Variants in MBLAC2 observed in about 807,000 individuals in gnomAD.
The protein encoded by MBLAC2 is metallo-beta-lactamase domain containing 2, also known as acyl-coenzyme A thioesterase MBLAC2.
MBLAC2 carries 24 observed loss-of-function variants against 23.3 expected under a neutral mutation model. The observed-to-expected ratio is 1.03, with a 90% CI of 0.75 to 1.45. MBLAC2 has a LOEUF of 1.45. MBLAC2 is among the 40% of genes most tolerant of loss of function. The pLI, the probability that MBLAC2 is intolerant of heterozygous loss-of-function variation, is 0.00. For missense variants in MBLAC2, 358 were observed against 370.0 expected, an observed-to-expected ratio of 0.97 and a Z score of 0.27; for synonymous variants, 162 against 150.9, an observed-to-expected ratio of 1.07 and a Z score of -0.54.
chr5:90,471,926 G>C (rs1750555047), intron 1 of MBLAC2: 1 of 152,122 alleles, frequency 6.6e-6, no homozygotes, highest in Non-Finnish European at 1.5e-5. Flanking sequence ...CAAAGTGTTT[G>C]GTAAACATTA....
intron 1 of MBLAC2, among the ~76,000 whole-genome samples, chr5:90,464,630 A>G (rs1447980613): frequency 6.6e-6 from 1 of 152,154 alleles, no homozygotes; most frequent in South Asian, 2.1e-4. Flanking sequence ...AATGAATGCA[A>G]TCTTAAAATT....
In MBLAC2 at chr5:90,474,594, T is replaced by C; in HGVS notation, c.-302A>G. 2.4e-6 allele frequency: 1 copy of C among 420,342 alleles called. No homozygotes were observed. The highest frequency in any genetic ancestry group is 4.3e-6 in the Non-Finnish European group (1 of 230,942). 26.0% of individuals were successfully genotyped at this position (420,342 alleles called of 1,614,324 possible). On this transcript the variant is annotated 5_prime_UTR_variant, in exon 1 of 2. Coordinates refer to ENST00000316610, the MANE Select transcript of MBLAC2 (RefSeq NM_203406.2). ...CGGCAGCCGCACCACGAGAGAGCTT[T>C]AACGCAGGGGCCACTGCAGCAGAAT...
At position 90,461,470 on chromosome 5, in the gene MBLAC2, G is replaced by C. The variant is rs752991377; in HGVS notation, c.537C>G (p.Asp179Glu). Residue 179 changes from aspartate to glutamate, a missense_variant, in exon 2 of 2, where the codon GAC becomes GAG. By Grantham distance (45) the Asp-to-Glu change is conservative (BLOSUM62 2). Coordinates refer to ENST00000316610, the MANE Select transcript of MBLAC2 (RefSeq NM_203406.2). ...GHSRGSICLH[D>E]KDRKILFSGD... ...CACTGAAGAGAATCTTTCGGTCTTT[G>C]TCATGTAAGCAAATACTGCCCCTGG... is the stretch of plus-strand genomic sequence containing the variant. 4 of 1,614,154 alleles carry C rather than the reference G, an allele frequency of 2.5e-6. No individual in the cohort carries two copies. Among genetic ancestry groups the C allele is most frequent in the Non-Finnish European group, 3.4e-6 (4 of 1,180,014 alleles).
rs903889599 is a variant in MBLAC2 at position 90,473,433 on chromosome 5, C to T, written c.454+406G>A. 7.6e-6 allele frequency: 4 copies of T among 529,032 alleles called. No homozygotes were observed. The African/African-American group carries it at 7.7e-5, about 10-fold the overall frequency. The allele number at this position is 529,032 out of a possible 1,614,324, so 32.8% of individuals were successfully genotyped here. A position where few individuals can be genotyped will look rare whatever the true frequency, so the allele number is the denominator to read the frequency against. On this transcript the variant is annotated intron_variant, in intron 1 of 1. Transcript: ENST00000316610. ...AAGCACAGATCATGACATGCACTCT[C>T]CGTGAGGGGTCATTCCTTAAAAGTC...
intron 1 of MBLAC2, among the ~76,000 whole-genome samples, chr5:90,462,240 C>G (rs1403143130): frequency 6.6e-6 from 1 of 152,158 alleles, no homozygotes; most frequent in African/African-American, 2.4e-5. Context: ...CAGTTACCGA[C>G]AGCAGAGAGG....
At chr5:90,473,049 A>G (rs992189259) in intron 1 of MBLAC2, 2 of 152,228 alleles carry the variant, frequency 1.3e-5, no homozygotes, top group African/African-American at 4.8e-5. Context: ...TTTTCATTCC[A>G]TGAATTTCTC....
chr5:90,465,643 G>A (rs974273411), intron 1 of MBLAC2, among the ~76,000 whole-genome samples: 2 of 152,064 alleles, frequency 1.3e-5, no homozygotes, highest in East Asian at 1.9e-4. Context: ...GCAGTGGCCC[G>A]CTTATAGCTC....
At chr5:90,472,560 A>T (rs1750574389) in intron 1 of MBLAC2, 1 of 152,160 alleles carries the variant, frequency 6.6e-6, no homozygotes, top group African/African-American at 2.4e-5. Context: ...AAATATCTCA[A>T]ATGAAGATGT....
At chr5:90,471,739 C>G (rs553953129) in intron 1 of MBLAC2, 1 of 152,230 alleles carries the variant, frequency 6.6e-6, no homozygotes, top group African/African-American at 2.4e-5. Context: ...TTTTATGTAT[C>G]CTCCCAGGCA....
rs1470941021 is a variant in MBLAC2 at position 90,458,747 on chromosome 5, G to A, written c.*2420C>T. On this transcript the variant is annotated 3_prime_UTR_variant, in exon 2 of 2. Transcript: ENST00000316610. ...TAGCTTTGTCCAAAATTGTGTTGAG[G>A]CTGGTCAATTACCTTTTGGTGCTGG... is the stretch of plus-strand genomic sequence containing the variant. 4.6e-5 allele frequency: 7 copies of A among 152,116 alleles called. No homozygotes were observed. The highest frequency in any genetic ancestry group is 4.6e-4 in the Admixed American group (7 of 15,264). 9.4% of individuals were successfully genotyped at this position (152,116 alleles called of 1,614,324 possible).
Position 90,474,454 on chromosome 5 carries a change from GA to G in MBLAC2, c.-163del. On this transcript the variant is annotated 5_prime_UTR_variant, in exon 1 of 2. Transcript: ENST00000316610. ...TGGGATGCGGGGGTCGGAATAGGAG[GA>G]GGAAGGACGCAGACCGACGCTGCCC... is the stretch of plus-strand genomic sequence containing the variant. 1 of 658,726 alleles carries G rather than the reference GA, an allele frequency of 1.5e-6. No individual in the cohort carries two copies. Among genetic ancestry groups the G allele is most frequent in the Middle Eastern group, 4.0e-4 (1 of 2,492 alleles). The allele number at this position is 658,726 out of a possible 1,614,324, so 40.8% of individuals were successfully genotyped here.
At chr5:90,463,250 A>C (rs1750395847) in intron 1 of MBLAC2, among the ~76,000 whole-genome samples, 1 of 152,148 alleles carries the variant, frequency 6.6e-6, no homozygotes, top group Admixed American at 6.5e-5. Context: ...CGCCTGGCTA[A>C]TTTTTATATT....
chr5:90,468,148 GATAACAT>G (rs1214028807), intron 1 of MBLAC2, among the ~76,000 whole-genome samples: 1 of 152,050 alleles, frequency 6.6e-6, no homozygotes, highest in Non-Finnish European at 1.5e-5. Context: ...CTTGACTTTA[GATAACAT>G]AATGACTATG....
chr5:90,473,926 T>C lies in MBLAC2; in HGVS notation c.367A>G (p.Ser123Gly). Residue 123 changes from serine to glycine, a missense_variant, in exon 1 of 2, where the codon AGC becomes GGC. By Grantham distance (56) the Ser-to-Gly change is moderately conservative. Coordinates refer to ENST00000316610, the MANE Select transcript of MBLAC2 (RefSeq NM_203406.2). ...NFETVTWLSDSEVVRTPSPGW... is the reference protein window; with the variant it reads ...NFETVTWLSDGEVVRTPSPGW... ...GGGCTGGGCGTCCGCACCACCTCGC[T>C]ATCGGAAAGCCAGGTCACGGTCTCA... 4 of 1,605,676 alleles carry C rather than the reference T, an allele frequency of 2.5e-6. No homozygotes were observed. Among genetic ancestry groups the C allele is most frequent in the Non-Finnish European group, 3.4e-6 (4 of 1,176,904 alleles).
At position 90,473,943 on chromosome 5, in the gene MBLAC2, A is replaced by C. The variant is rs1750632552; in HGVS notation, c.350T>G (p.Val117Gly). ...CACCTCGCTATCGGAAAGCCAGGTC[A>C]CGGTCTCAAAGTTGTCCCCGCGAGC... ...ALARGDNFET[V>G]TWLSDSEVVR... The change falls in exon 1 of 2, where the codon GTG (valine) becomes GGG (glycine). Residue 117 changes from valine to glycine, a missense_variant. Transcript: ENST00000316610. 1.2e-6 allele frequency: 2 copies of C among 1,603,756 alleles called. No homozygotes were observed. The highest frequency in any genetic ancestry group is 3.3e-4 in the Middle Eastern group (2 of 6,050).
chr5:90,473,413 C>T (rs879618479), intron 1 of MBLAC2: 5 of 467,712 alleles, frequency 1.1e-5, no homozygotes, highest in Admixed American at 4.2e-5. Flanking sequence ...CTCAAAAGCA[C>T]AGATCATGAC....
At chr5:90,468,281 A>G (rs1032664017) in intron 1 of MBLAC2, among the ~76,000 whole-genome samples, 5 of 152,226 alleles carry the variant, frequency 3.3e-5, no homozygotes, top group East Asian at 1.9e-4. Context: ...ATTCCTTCAA[A>G]TAAGTTTTCC....
chr5:90,462,393 T>G (rs1580179837), intron 1 of MBLAC2, among the ~76,000 whole-genome samples: 1 of 151,962 alleles, frequency 6.6e-6, no homozygotes, highest in Non-Finnish European at 1.5e-5. Flanking sequence ...TAAAAATATA[T>G]AGCTAAAAAA....
intron 1 of MBLAC2, among the ~76,000 whole-genome samples, chr5:90,470,526 T>C (rs983743190): frequency 6.6e-6 from 1 of 152,110 alleles, no homozygotes; most frequent in Non-Finnish European, 1.5e-5. Flanking sequence ...AGCACATGCA[T>C]GGGGCCTGGT....
Sources: gnomAD v4.1 joint callset for allele counts (sites outside exome capture counted in the v4.1 genomes callset) on GRCh38, gnomAD v4.1.1 for gene constraint, MANE v1.5 for transcripts, NCBI Gene and HGNC (gene_info 2026-07-23, HGNC 2026-07-21) for gene names.